Variants in AHCTF1 observed in about 807,000 individuals in gnomAD.
AHCTF1 encodes protein ELYS.
Under a neutral mutation model 248.4 loss-of-function variants are expected in AHCTF1, and 24 were observed. That is an observed-to-expected ratio of 0.10 (90% CI 0.07 to 0.14). The LOEUF is 0.14. Ranked by LOEUF, AHCTF1 falls within the 10% of genes least tolerant of loss-of-function variation. The pLI is 1.00. For missense variants in AHCTF1, 2,206 were observed against 2,636.2 expected, an observed-to-expected ratio of 0.84 and a Z score of 3.57; for synonymous variants, 786 against 929.8, an observed-to-expected ratio of 0.85 and a Z score of 2.81.
chr1:246,920,053 G>A (rs891571036), intron 1 of AHCTF1, among the ~76,000 whole-genome samples: 1 of 139,276 alleles, frequency 7.2e-6, no homozygotes, highest in African/African-American at 2.7e-5. Context: ...TGAGGCAGGA[G>A]AATTGCTTGA....
At chr1:246,872,503 G>A (rs997324782) in intron 24 of AHCTF1, among the ~76,000 whole-genome samples, 7 of 152,196 alleles carry the variant, frequency 4.6e-5, no homozygotes, top group African/African-American at 1.4e-4. Flanking sequence ...CCAATCCAGA[G>A]TGACAACAGA....
chr1:246,864,505 AT>A (rs1468336683), intron 26 of AHCTF1, among the ~76,000 whole-genome samples: 1 of 152,262 alleles, frequency 6.6e-6, no homozygotes, highest in Non-Finnish European at 1.5e-5. Context: ...AACATGCAAA[AT>A]ATCCATTCAC....
At chr1:246,897,331 TAACA>T (rs1263965392) in intron 12 of AHCTF1, among the ~76,000 whole-genome samples, 1 of 152,022 alleles carries the variant, frequency 6.6e-6, no homozygotes, top group African/African-American at 2.4e-5. Context: ...ATAAAGGTAG[TAACA>T]AACAAATAAA....
intron 1 of AHCTF1, among the ~76,000 whole-genome samples, chr1:246,927,475 CCTGA>C (rs750408583): frequency 2.3e-4 from 35 of 152,136 alleles, no homozygotes; most frequent in South Asian, 2.1e-4. Context: ...AGCAACACAG[CCTGA>C]CTGTCTCAAA....
chr1:246,863,902 C>T (rs12134528), intron 27 of AHCTF1, 22 bp downstream of exon 27: 159,815 of 1,609,448 alleles, frequency 0.099, 12,400 homozygotes, highest in African/African-American at 0.41. Context: ...TGATTGTGAA[C>T]GCTAGATGCG....
intron 1 of AHCTF1, among the ~76,000 whole-genome samples, chr1:246,929,652 C>G (rs1219414468): frequency 6.6e-6 from 1 of 152,124 alleles, no homozygotes; most frequent in East Asian, 1.9e-4. Context: ...ATTGTAGAGA[C>G]CTTTGAGCTA....
intron 5 of AHCTF1, among the ~76,000 whole-genome samples, chr1:246,905,964 G>A (rs1410417096): frequency 6.6e-6 from 1 of 152,132 alleles, no homozygotes; most frequent in Non-Finnish European, 1.5e-5. Context: ...TAGAACTGGG[G>A]AGTGTTAGAA....
At chr1:246,904,898 C>G (rs1250265581) in intron 6 of AHCTF1, among the ~76,000 whole-genome samples, 4 of 152,138 alleles carry the variant, frequency 2.6e-5, no homozygotes, top group Admixed American at 1.3e-4. Flanking sequence ...GAGTACCCAC[C>G]CAGCTCTCTT....
intron 24 of AHCTF1, among the ~76,000 whole-genome samples, chr1:246,874,868 C>T (rs1299870870): frequency 6.6e-6 from 1 of 152,142 alleles, no homozygotes; most frequent in Non-Finnish European, 1.5e-5. Flanking sequence ...TGAGGAGTGA[C>T]ATACTTCTAG....
At chr1:246,927,861 G>C (rs1667052921) in intron 1 of AHCTF1, among the ~76,000 whole-genome samples, 1 of 140,594 alleles carries the variant, frequency 7.1e-6, no homozygotes, top group African/African-American at 2.6e-5. Flanking sequence ...AAATTAGCTG[G>C]GCGCGGTAGC....
At chr1:246,920,784 A>T (rs1666491756) in intron 1 of AHCTF1, among the ~76,000 whole-genome samples, 1 of 150,374 alleles carries the variant, frequency 6.7e-6, no homozygotes, top group South Asian at 2.1e-4. Flanking sequence ...AAAAAAAAAA[A>T]ATTATTAAAC....
At chr1:246,852,479 A>T (rs1043947753) in intron 32 of AHCTF1, among the ~76,000 whole-genome samples, 1 of 152,172 alleles carries the variant, frequency 6.6e-6, no homozygotes, top group African/African-American at 2.4e-5. Flanking sequence ...ATTTGGTATA[A>T]TAGAATTTTT....
chr1:246,868,847 T>G (rs1301842239), intron 24 of AHCTF1, among the ~76,000 whole-genome samples: 55 of 16,912 alleles, frequency 3.3e-3, no homozygotes, highest in African/African-American at 0.013. Context: ...GTGTTTTTTG[T>G]TTTTTTTTTT....
intron 24 of AHCTF1, among the ~76,000 whole-genome samples, chr1:246,875,654 T>C (rs1662885422): frequency 6.6e-6 from 1 of 152,190 alleles, no homozygotes; most frequent in Non-Finnish European, 1.5e-5. Flanking sequence ...ACCATGCTGA[T>C]CAGTCAGCAG....
chr1:246,915,418 G>A (rs567051639), intron 3 of AHCTF1, among the ~76,000 whole-genome samples: 98 of 152,056 alleles, frequency 6.4e-4, no homozygotes, highest in African/African-American at 2.3e-3. Flanking sequence ...TAACGTTTCT[G>A]GCCCCCTATT....
At position 246,842,589 on chromosome 1, in the gene AHCTF1, A is replaced by T. The variant is rs185625524; in HGVS notation, c.6608+105T>A. 1.5e-5 allele frequency: 13 copies of T among 890,596 alleles called. No individual in the cohort carries two copies. The African/African-American group carries it at 2.1e-4, about 15-fold the overall frequency. The allele number at this position is 890,596 out of a possible 1,614,324, so 55.2% of individuals were successfully genotyped here. A position where few individuals can be genotyped will look rare whatever the true frequency, so the allele number is the denominator to read the frequency against. ...AGACCGAGACTCTGTCTCAAAAAAA[A>T]TAAATAAAAATAAAATAAAATAATA... On this transcript the variant is annotated intron_variant, in intron 35 of 35. Transcript: ENST00000648844.
At chr1:246,928,580 C>T (rs1463694065) in intron 1 of AHCTF1, among the ~76,000 whole-genome samples, 1 of 152,138 alleles carries the variant, frequency 6.6e-6, no homozygotes, top group Non-Finnish European at 1.5e-5. Context: ...TAAGTATACA[C>T]TGGTTCAGTA....
At chr1:246,859,590 G>T (rs1391279448) in intron 29 of AHCTF1, among the ~76,000 whole-genome samples, 6 of 151,978 alleles carry the variant, frequency 3.9e-5, no homozygotes, top group African/African-American at 1.5e-4. Flanking sequence ...TTCTTTTTGA[G>T]ACAGGGTCTC....
chr1:246,885,461 A>G, intron 21 of AHCTF1, 32 bp downstream of exon 21: 1 of 1,536,090 alleles, frequency 6.5e-7, no homozygotes, highest in Non-Finnish European at 8.9e-7. Context: ...CAGATACGAT[A>G]AAGACTTTAT....
Sources: gnomAD v4.1 joint callset for allele counts (sites outside exome capture counted in the v4.1 genomes callset) on GRCh38, gnomAD v4.1.1 for gene constraint, MANE v1.5 for transcripts, NCBI Gene and HGNC (gene_info 2026-07-23, HGNC 2026-07-21) for gene names.